Variants in NADSYN1 observed in about 807,000 individuals in gnomAD.
NADSYN1 encodes the protein NAD synthetase 1, also known as glutamine-dependent NAD(+) synthetase.
A neutral mutation model predicts 99.3 loss-of-function variants in NADSYN1; 80 were observed. The ratio of observed to expected loss-of-function variants is 0.81; its 90% CI spans 0.67 to 0.97. NADSYN1 has a LOEUF of 0.97. Ranked by LOEUF, NADSYN1 falls within the 50% of genes least tolerant of loss-of-function variation. The probability of loss-of-function intolerance (pLI) is 0.00; values close to 1 mark genes in which losing one functional copy is unlikely to be tolerated. For synonymous variants in NADSYN1, 385 were observed against 372.1 expected (o/e 1.03, Z -0.40); for missense variants, 859 against 948.5 (o/e 0.91, Z 1.24).
At chr11:71,483,298 G>A (rs1347342857) in intron 14 of NADSYN1, among the ~76,000 whole-genome samples, 1 of 152,118 alleles carries the variant, frequency 6.6e-6, no homozygotes, top group Admixed American at 6.5e-5. Flanking sequence ...CAGATTTCAG[G>A]GAAGCTGTGT....
intron 16 of NADSYN1, 77 bp downstream of exon 16, chr11:71,485,725 C>A: frequency 9.1e-7 from 1 of 1,098,168 alleles, no homozygotes; most frequent in Non-Finnish European, 1.3e-6. Context: ...CTGTGAGATT[C>A]TATCATCCTG....
In NADSYN1 at chr11:71,501,576, C is replaced by T. The variant is rs950754962; in HGVS notation, c.*224C>T. Reference sequence around the variant, plus strand: ...CAATGCACATGATTTTGACCTCCCGCCAGCGTGCGCTTCCCCGCGAAGTCT... The same window carrying T: ...CAATGCACATGATTTTGACCTCCCGTCAGCGTGCGCTTCCCCGCGAAGTCT... On this transcript the variant is annotated 3_prime_UTR_variant, in exon 21 of 21. Transcript: ENST00000319023. The T allele has an allele frequency of 2.0e-5, 11 of 543,074 alleles. No individual in the cohort carries two copies. Among genetic ancestry groups the T allele is most frequent in the Non-Finnish European group, 3.6e-5 (11 of 309,038 alleles). 33.6% of individuals were successfully genotyped at this position (543,074 alleles called of 1,614,324 possible).
Position 71,478,406 on chromosome 11 carries a change from G to A in NADSYN1, c.810G>A (p.Thr270=), listed in dbSNP as rs563538173. 1.1e-5 allele frequency: 17 copies of A among 1,607,272 alleles called. No homozygotes were observed. The highest frequency in any genetic ancestry group is 1.7e-5 in the Admixed American group (1 of 59,092). Residue 270 remains threonine, a synonymous_variant, in exon 10 of 21, where the codon ACG becomes ACA. Coordinates refer to ENST00000319023, the MANE Select transcript of NADSYN1 (RefSeq NM_018161.5). The stretch of plus-strand genomic sequence containing the variant: ...ATTTCCTTCTCCAGGAAGTCCTGAC[G>A]GCCACGCTGGATCTGGAGGACGTCC... ...QFSLDDVEVL[T]ATLDLEDVRS... is the part of the protein sequence containing the mutation.
At chr11:71,469,814 T>C (rs1477353732) in intron 5 of NADSYN1, among the ~76,000 whole-genome samples, 1 of 151,486 alleles carries the variant, frequency 6.6e-6, no homozygotes, top group African/African-American at 2.4e-5. Flanking sequence ...CAACACCAGC[T>C]ACCTGGGATG....
intron 5 of NADSYN1, among the ~76,000 whole-genome samples, chr11:71,467,841 G>C (rs1294619737): frequency 6.6e-6 from 1 of 152,230 alleles, no homozygotes; most frequent in Non-Finnish European, 1.5e-5. Context: ...ATGTTTAAAA[G>C]ATGCTGTTCT....
chr11:71,486,303 T>G (rs898591218), intron 16 of NADSYN1, among the ~76,000 whole-genome samples: 1 of 152,012 alleles, frequency 6.6e-6, no homozygotes, highest in Non-Finnish European at 1.5e-5. Flanking sequence ...ATCCATCAGT[T>G]GGGCCATCCA....
At chr11:71,492,423 G>A (rs1949788391) in intron 18 of NADSYN1, among the ~76,000 whole-genome samples, 2 of 152,158 alleles carry the variant, frequency 1.3e-5, no homozygotes, top group South Asian at 2.1e-4. Flanking sequence ...ATTTAGGTCT[G>A]TGATCTAGTT....
chr11:71,467,561 A>G (rs1011834586), intron 5 of NADSYN1, among the ~76,000 whole-genome samples: 1 of 152,250 alleles, frequency 6.6e-6, no homozygotes, highest in African/African-American at 2.4e-5. Flanking sequence ...GCCAATCAGA[A>G]TTAGAAAAAG....
intron 5 of NADSYN1, among the ~76,000 whole-genome samples, chr11:71,466,129 A>G (rs1013091481): frequency 1.3e-5 from 2 of 152,138 alleles, no homozygotes; most frequent in African/African-American, 2.4e-5. Context: ...AGCTAGTCTT[A>G]CTTCAGGTTT....
chr11:71,476,594 C>T (rs1949667799), intron 9 of NADSYN1: 3 of 950,576 alleles, frequency 3.2e-6, no homozygotes, highest in East Asian at 1.1e-4. Flanking sequence ...GACTCCAGGC[C>T]CTGCTTTCCA....
chr11:71,484,387 C>A lies in NADSYN1; in HGVS notation c.1395C>A (p.Ser465Arg). 6.2e-7 allele frequency: 1 copy of A among 1,614,208 alleles called. No homozygotes were observed. Among genetic ancestry groups the A allele is most frequent in the Non-Finnish European group, 8.5e-7 (1 of 1,180,022 alleles). Residue 465 changes from serine (S) to arginine (R), a missense_variant, in exon 15 of 21, where the codon AGC (serine) becomes AGA (arginine). Coordinates refer to ENST00000319023, the MANE Select transcript of NADSYN1 (RefSeq NM_018161.5). ...TCTTCAGCCTGGTGACGGGGAAGAG[C>A]CCTCTGTTTGCAGCTCATGGAGGAA... ...MGIFSLVTGK[S>R]PLFAAHGGSS...
chr11:71,476,579 G>A (rs574370275), intron 9 of NADSYN1: 68 of 875,890 alleles, frequency 7.8e-5, no homozygotes, highest in Middle Eastern at 5.7e-4. Context: ...GGGTGTGGCC[G>A]TCTCGACTCC....
At position 71,498,111 on chromosome 11, in the gene NADSYN1, T is replaced by C. The variant is rs186919346; in HGVS notation, c.1894-241T>C. 4.1e-3 allele frequency among the ~76,000 whole-genome samples: 621 copies of C among 151,858 alleles called. 5 individuals are homozygous for C. The highest frequency in any genetic ancestry group is 0.015 in the African/African-American group (608 of 41,396). ...AGCATCAGAGGCGGGGGACCCCAGT[T>C]TCATAGCATCAGAGGTGGGGGACCC... On this transcript the variant is annotated intron_variant, in intron 19 of 20. Coordinates refer to ENST00000319023, the MANE Select transcript of NADSYN1 (RefSeq NM_018161.5).
chr11:71,501,217 G>A, intron 20 of NADSYN1, 85 bp from the exon 21 acceptor site: 2 of 1,285,782 alleles, frequency 1.6e-6, no homozygotes, highest in Non-Finnish European at 1.0e-6. Flanking sequence ...TGGGACTTGT[G>A]ACCCGCTTTT....
chr11:71,501,414 G>T lies in NADSYN1; in HGVS notation c.*62G>T. On this transcript the variant is annotated 3_prime_UTR_variant, in exon 21 of 21. Coordinates refer to ENST00000319023, the MANE Select transcript of NADSYN1 (RefSeq NM_018161.5). Reference sequence around the variant, plus strand: ...ACCCCAGCACCTCATCATCAGCATTGCTGGAGCCAAGGGTAGGAGCCCTAC... The same window carrying T: ...ACCCCAGCACCTCATCATCAGCATTTCTGGAGCCAAGGGTAGGAGCCCTAC... The T allele has an allele frequency of 6.6e-7, 1 of 1,516,402 alleles. No homozygotes were observed. The highest frequency in any genetic ancestry group is 1.2e-5 in the South Asian group (1 of 83,656). 93.9% of individuals were successfully genotyped at this position (1,516,402 alleles called of 1,614,324 possible). A position where few individuals can be genotyped will look rare whatever the true frequency, so the allele number is the denominator to read the frequency against.
chr11:71,455,027 C>T, intron 1 of NADSYN1, 83 bp from the exon 2 acceptor site: 2 of 1,013,728 alleles, frequency 2.0e-6, no homozygotes, highest in Non-Finnish European at 3.0e-6. Flanking sequence ...TTTATCCTAC[C>T]TACTGCAGCA....
chr11:71,467,991 C>T (rs1033432089), intron 5 of NADSYN1, among the ~76,000 whole-genome samples: 5 of 152,104 alleles, frequency 3.3e-5, no homozygotes, highest in Middle Eastern at 3.2e-3. Flanking sequence ...ACAAATTGCC[C>T]GCAGAGATTC....
intron 20 of NADSYN1, 79 bp from the exon 21 acceptor site, chr11:71,501,223 C>T (rs1369548657): frequency 1.3e-5 from 17 of 1,339,302 alleles, no homozygotes; most frequent in African/African-American, 3.0e-5. Context: ...TTGTGACCCG[C>T]TTTTGGTGCG....
chr11:71,480,967 T>C, intron 11 of NADSYN1, 88 bp downstream of exon 11: 1 of 1,551,854 alleles, frequency 6.4e-7, no homozygotes, highest in African/African-American at 1.4e-5. Flanking sequence ...CGCAGTGGGT[T>C]TTCAGAACCT....
Sources: gnomAD v4.1 joint callset for allele counts (sites outside exome capture counted in the v4.1 genomes callset) on GRCh38, gnomAD v4.1.1 for gene constraint, MANE v1.5 for transcripts, NCBI Gene and HGNC (gene_info 2026-07-23, HGNC 2026-07-21) for gene names.